Variants in FHIP1A observed in about 807,000 individuals in gnomAD.
The protein encoded by FHIP1A is FHF complex subunit HOOK-interacting protein 1A.
Under a neutral mutation model 88.6 loss-of-function variants are expected in FHIP1A, and 61 were observed. The ratio of observed to expected loss-of-function variants is 0.69; its 90% CI spans 0.56 to 0.85. FHIP1A has a LOEUF of 0.85. Ranked by LOEUF, FHIP1A falls within the 40% of genes least tolerant of loss-of-function variation. The pLI is 0.00. For missense variants in FHIP1A, 1,154 were observed against 1,273.5 expected (o/e 0.91, Z 1.43); for synonymous variants, 478 against 496.0 (o/e 0.96, Z 0.48).
chr4:151,527,306 G>A (rs1035645717), intron 3 of FHIP1A, among the ~76,000 whole-genome samples: 34 of 152,292 alleles, frequency 2.2e-4, no homozygotes, highest in South Asian at 4.1e-4. Flanking sequence ...CAGATCACTC[G>A]CGGTTAGGAG....
At chr4:151,588,993 C>A in intron 7 of FHIP1A, 67 bp downstream of exon 7, 1 of 1,047,510 alleles carries the variant, frequency 9.5e-7, no homozygotes, top group Non-Finnish European at 1.4e-6. Context: ...GGAGGGTAAA[C>A]ACAGTGTAAT....
At chr4:151,547,688 C>T (rs1259173659) in intron 3 of FHIP1A, among the ~76,000 whole-genome samples, 4 of 151,996 alleles carry the variant, frequency 2.6e-5, no homozygotes, top group East Asian at 1.9e-4. Flanking sequence ...CCAAGGCGGG[C>T]GGATCACCTG....
intron 5 of FHIP1A, among the ~76,000 whole-genome samples, chr4:151,582,354 CT>C (rs777112894): frequency 1.1e-3 from 153 of 145,278 alleles, no homozygotes; most frequent in South Asian, 1.1e-3. Context: ...ATCTTTCTTT[CT>C]TTTTTTTTTT....
rs1400229883 is a variant in FHIP1A at position 151,665,439 on chromosome 4, G to C, written c.*2685G>C. Among the ~76,000 whole-genome samples, 1 of 152,328 alleles carries C rather than the reference G, an allele frequency of 6.6e-6. No individual in the cohort carries two copies. Among genetic ancestry groups the C allele is most frequent in the East Asian group, 1.9e-4 (1 of 5,190 alleles). ...GGTTCCTGTTTCTGAATCCATTACA[G>C]TCCTCAGAGGTTTTTGTCCATGGTT... On this transcript the variant is annotated 3_prime_UTR_variant, in exon 14 of 14. Transcript: ENST00000435205.
chr4:151,525,172 G>T (rs1731584212), intron 3 of FHIP1A, among the ~76,000 whole-genome samples: 1 of 152,172 alleles, frequency 6.6e-6, no homozygotes, highest in Non-Finnish European at 1.5e-5. Flanking sequence ...ATAGGTTATG[G>T]AACTCAGGCT....
At position 151,665,171 on chromosome 4, in the gene FHIP1A, T is replaced by G. The variant is rs1314670143; in HGVS notation, c.*2417T>G. On this transcript the variant is annotated 3_prime_UTR_variant, in exon 14 of 14. Transcript: ENST00000435205. ...TTGGTATAGTTTGTAGAGATGGGGT[T>G]TCACCTTGTTGCCCAGGCTGGTCTT... 6.6e-6 allele frequency among the ~76,000 whole-genome samples: 1 copy of G among 152,060 alleles called. No homozygotes were observed. Among genetic ancestry groups the G allele is most frequent in the East Asian group, 1.9e-4 (1 of 5,186 alleles).
intron 1 of FHIP1A, among the ~76,000 whole-genome samples, chr4:151,447,489 G>A (rs1728648613): frequency 6.6e-6 from 1 of 151,956 alleles, no homozygotes; most frequent in East Asian, 1.9e-4. Flanking sequence ...TCATTTCCTC[G>A]AATCACCATA....
intron 13 of FHIP1A, among the ~76,000 whole-genome samples, chr4:151,660,651 G>A (rs1737422831): frequency 6.6e-6 from 1 of 152,238 alleles, no homozygotes; most frequent in African/African-American, 2.4e-5. Context: ...CATAAACAAT[G>A]TGAGGCTGAA....
intron 1 of FHIP1A, among the ~76,000 whole-genome samples, chr4:151,411,485 G>A (rs1021388924): frequency 6.6e-6 from 1 of 151,588 alleles, no homozygotes; most frequent in African/African-American, 2.4e-5. Context: ...GAGTAGCTGG[G>A]ACCACAGGTT....
chr4:151,578,088 T>C lies in FHIP1A; in HGVS notation c.732+12T>C. On this transcript the variant is annotated intron_variant, in intron 5 of 13. Coordinates refer to ENST00000435205, the MANE Select transcript of FHIP1A (RefSeq NM_001109977.3). ...CCTACTTTTGTCCAGTAAGTCTCTTTCCTTGGCATGTTTTCCACTCACTCC... is the reference window on the plus strand; with the variant it reads ...CCTACTTTTGTCCAGTAAGTCTCTTCCCTTGGCATGTTTTCCACTCACTCC... 6.5e-7 allele frequency: 1 copy of C among 1,543,236 alleles called. No individual in the cohort carries two copies. Among genetic ancestry groups the C allele is most frequent in the African/African-American group, 1.4e-5 (1 of 72,678 alleles).
At chr4:151,511,950 C>T (rs1483918431) in intron 3 of FHIP1A, among the ~76,000 whole-genome samples, 1 of 152,234 alleles carries the variant, frequency 6.6e-6, no homozygotes, top group Non-Finnish European at 1.5e-5. Context: ...TCCCAGCACG[C>T]AGCTGGAGAT....
chr4:151,412,696 T>C (rs1732714538), intron 1 of FHIP1A, among the ~76,000 whole-genome samples: 1 of 144,806 alleles, frequency 6.9e-6, no homozygotes, highest in Non-Finnish European at 1.5e-5. Flanking sequence ...TCTTTTTTTT[T>C]TTTTTTTGAT....
chr4:151,496,716 C>CTTTTTTTTTTTTTTTTTTTTT lies in FHIP1A; in HGVS notation c.-123+14085_-123+14086insTTTTTTTTTTTTTTTTTTTTT, dbSNP rs58538673. The stretch of plus-strand genomic sequence containing the variant: ...CACAGGAGCATACCACCACGTCCAG[C>CTTTTTTTTTTTTTTTTTTTTT]TTTTTTTTTTTTTTTTTGTATTTTT... On this transcript the variant is annotated intron_variant, in intron 3 of 13. Coordinates refer to ENST00000435205, the MANE Select transcript of FHIP1A (RefSeq NM_001109977.3). Among the ~76,000 whole-genome samples, 202 of 102,418 alleles carry CTTTTTTTTTTTTTTTTTTTTT rather than the reference C, an allele frequency of 2.0e-3. 7 individuals are homozygous for CTTTTTTTTTTTTTTTTTTTTT. The highest frequency in any genetic ancestry group is 2.6e-3 in the Non-Finnish European group (138 of 53,078). The allele number at this position is 102,418 out of a possible 152,430, so 67.2% of individuals were successfully genotyped here.
chr4:151,436,896 CAT>C (rs948606993), intron 1 of FHIP1A, among the ~76,000 whole-genome samples: 24 of 152,258 alleles, frequency 1.6e-4, no homozygotes, highest in African/African-American at 5.3e-4. Context: ...ATAACCTACA[CAT>C]GTCTTACCAT....
chr4:151,655,674 C>A (rs1737204775), intron 11 of FHIP1A, among the ~76,000 whole-genome samples: 2 of 151,998 alleles, frequency 1.3e-5, no homozygotes, highest in Non-Finnish European at 2.9e-5. Context: ...TTGACAAAAC[C>A]AAATTTTTCT....
intron 3 of FHIP1A, among the ~76,000 whole-genome samples, chr4:151,562,076 G>A (rs997245972): frequency 6.6e-6 from 1 of 152,158 alleles, no homozygotes. Flanking sequence ...TTCACAGCTG[G>A]TTAGAGCTAG....
intron 3 of FHIP1A, among the ~76,000 whole-genome samples, chr4:151,521,172 T>A (rs1371602073): frequency 6.6e-6 from 1 of 152,182 alleles, no homozygotes. Context: ...GCATGAAGTG[T>A]TTGTAAATGC....
rs1169227088 is a variant in FHIP1A, at chr4:151,600,905, C to T, written c.978+11979C>T. Reference sequence around the variant, plus strand: ...AGGCTGGGGAACCTGGAAGAGTATCCCTTATGCCATATTTCATTGTTCATA... The same window carrying T: ...AGGCTGGGGAACCTGGAAGAGTATCTCTTATGCCATATTTCATTGTTCATA... On this transcript the variant is annotated intron_variant, in intron 7 of 13. Coordinates refer to ENST00000435205, the MANE Select transcript of FHIP1A (RefSeq NM_001109977.3). Among the ~76,000 whole-genome samples, 4 of 152,116 alleles carry T rather than the reference C, an allele frequency of 2.6e-5. No homozygotes were observed. The East Asian group carries it at 7.7e-4, about 29-fold the overall frequency.
intron 13 of FHIP1A, among the ~76,000 whole-genome samples, chr4:151,657,720 G>A (rs1169206004): frequency 1.3e-5 from 2 of 152,188 alleles, no homozygotes; most frequent in East Asian, 3.8e-4. Flanking sequence ...TGAACAGTGG[G>A]GAGAGTAAGG....
Sources: allele counts gnomAD v4.1 joint callset (sites outside exome capture counted in the v4.1 genomes callset), GRCh38; gene constraint gnomAD v4.1.1; transcripts MANE v1.5; gene names NCBI Gene and HGNC (gene_info 2026-07-23, HGNC 2026-07-21).